ATP6V0A4: variants seen among roughly 807,000 people sequenced by gnomAD.
The protein encoded by ATP6V0A4 is V-type proton ATPase 116 kDa subunit a 4.
Under a neutral mutation model 107.3 loss-of-function variants are expected in ATP6V0A4, and 86 were observed. The ratio of observed to expected loss-of-function variants is 0.80; its 90% CI spans 0.67 to 0.96. The LOEUF (loss-of-function observed/expected upper bound fraction) is 0.96, where lower values mean the gene tolerates loss of function less well. ATP6V0A4 is among the 40% of genes least tolerant of loss of function. The pLI is 0.00. For missense variants in ATP6V0A4, 908 were observed against 1,045.6 expected, an observed-to-expected ratio of 0.87 and a Z score of 1.81; for synonymous variants, 353 against 381.4, an observed-to-expected ratio of 0.93 and a Z score of 0.87.
chr7:138,739,816 T>C (rs1805527859), intron 14 of ATP6V0A4, 183 bp from the exon 15 acceptor site: 1 of 638,944 alleles, frequency 1.6e-6, no homozygotes, highest in African/African-American at 2.0e-5. Context: ...CAATCTGAGT[T>C]TGCAAAGAGA....
At chr7:138,781,948 G>T (rs112941110) in intron 2 of ATP6V0A4, among the ~76,000 whole-genome samples, 5,404 of 151,348 alleles carry the variant, frequency 0.036, 316 homozygotes, top group African/African-American at 0.12. Flanking sequence ...AAAGTGCTGG[G>T]ATTACAGGTA....
At chr7:138,757,225 CA>C (rs1411233356) in intron 8 of ATP6V0A4, among the ~76,000 whole-genome samples, 5 of 152,224 alleles carry the variant, frequency 3.3e-5, no homozygotes, top group Admixed American at 3.3e-4. Flanking sequence ...GGTAAAATGA[CA>C]AAACCCAGAC....
rs1031637872 is a variant in ATP6V0A4, at chr7:138,706,580, C to A, written c.*44G>T. The A allele has an allele frequency of 1.9e-6, 3 of 1,609,576 alleles. No individual in the cohort carries two copies. The highest frequency in any genetic ancestry group is 2.5e-6 in the Non-Finnish European group (3 of 1,176,664). On this transcript the variant is annotated 3_prime_UTR_variant, in exon 22 of 22. Transcript: ENST00000310018. ...TGATATCAAAGACAAGACTGAACTT[C>A]CTTCATTGGCATGGTGACCACCGTG...
intron 2 of ATP6V0A4, among the ~76,000 whole-genome samples, chr7:138,782,679 G>C (rs1029062753): frequency 4.5e-4 from 69 of 152,214 alleles, no homozygotes; most frequent in African/African-American, 1.6e-3. Context: ...GGCTGAGAAA[G>C]ATCTGGAGGT....
At chr7:138,745,997 A>G (rs1212261641) in intron 13 of ATP6V0A4, among the ~76,000 whole-genome samples, 3 of 89,660 alleles carry the variant, frequency 3.3e-5, no homozygotes, top group Non-Finnish European at 6.7e-5. Flanking sequence ...TATTATAAAT[A>G]TAAATAATAT....
intron 2 of ATP6V0A4, among the ~76,000 whole-genome samples, chr7:138,776,171 G>A (rs1372788436): frequency 1.3e-5 from 2 of 152,112 alleles, no homozygotes; most frequent in Non-Finnish European, 2.9e-5. Context: ...AAATTAGAAC[G>A]ATTGTTTAGA....
At chr7:138,714,075 CAAAAAAAA>C (rs35801199) in intron 20 of ATP6V0A4, among the ~76,000 whole-genome samples, 25 of 112,304 alleles carry the variant, frequency 2.2e-4, no homozygotes, top group Admixed American at 2.2e-3. Flanking sequence ...CTACCTCTAC[CAAAAAAAA>C]AAAAAAAAAA....
At chr7:138,711,895 G>T (rs993318046) in intron 20 of ATP6V0A4, among the ~76,000 whole-genome samples, 1 of 152,222 alleles carries the variant, frequency 6.6e-6, no homozygotes, top group African/African-American at 2.4e-5. Context: ...ATGTGCATTC[G>T]TGTGAAGTGG....
chr7:138,762,605 T>C (rs1299011982), intron 6 of ATP6V0A4, 171 bp from the exon 7 acceptor site: 1 of 811,902 alleles, frequency 1.2e-6, no homozygotes, highest in Non-Finnish European at 1.5e-6. Context: ...TCCCTGGTCT[T>C]TTCCTACCAA....
chr7:138,721,997 G>A lies in ATP6V0A4; in HGVS notation c.2039C>T (p.Ala680Val). The A allele has an allele frequency of 1.9e-6, 3 of 1,614,134 alleles. No individual in the cohort carries two copies. The highest frequency in any genetic ancestry group is 2.5e-6 in the Non-Finnish European group (3 of 1,180,038). ...GCTATCACCTTCAATGTTCTCAGTG[G>A]CATCTTCTTGGATCCTGGATGCCTG... Reference protein sequence around the residue: ...QLQASRIQEDATENIEGDSSS... With the variant: ...QLQASRIQEDVTENIEGDSSS... Residue 680 changes from alanine (A) to valine (V), a missense_variant, in exon 19 of 22, where the codon GCC becomes GTC. Transcript: ENST00000310018.
intron 21 of ATP6V0A4, among the ~76,000 whole-genome samples, chr7:138,708,018 TTTATTTA>T (rs1803536362): frequency 1.7e-5 from 1 of 58,318 alleles, no homozygotes; most frequent in Non-Finnish European, 3.3e-5. Context: ...TATGTTTTAT[TTTATTTA>T]TTTATTTATT....
rs574771891 is a variant in ATP6V0A4 at position 138,715,174 on chromosome 7, A to G, written c.2257+590T>C. On this transcript the variant is annotated intron_variant, in intron 20 of 21. Transcript: ENST00000310018. ...TAGGACTCTGGCTTCAAAAACTGGA[A>G]GACACCAAATTTGTGTTGTTGGGTT... is the stretch of plus-strand genomic sequence containing the variant. Among the ~76,000 whole-genome samples the G allele has an allele frequency of 4.6e-5, 7 of 152,138 alleles. No individual in the cohort carries two copies. The South Asian group carries it at 1.4e-3, about 31-fold the overall frequency.
intron 15 of ATP6V0A4, among the ~76,000 whole-genome samples, chr7:138,735,708 G>A (rs113159841): frequency 0.03 from 4,610 of 152,226 alleles, 222 homozygotes; most frequent in African/African-American, 0.11. Context: ...CCCAGCCCTC[G>A]GCATTCCCCT....
chr7:138,765,949 A>T (rs1447580221), intron 5 of ATP6V0A4, among the ~76,000 whole-genome samples: 1 of 152,034 alleles, frequency 6.6e-6, no homozygotes, highest in Non-Finnish European at 1.5e-5. Flanking sequence ...ACAGAGTCTC[A>T]TTATGTTGGG....
chr7:138,733,016 A>T lies in ATP6V0A4; in HGVS notation c.1769T>A (p.Leu590Gln). 11 of 1,614,146 alleles carry T rather than the reference A, an allele frequency of 6.8e-6. No homozygotes were observed. The highest frequency in any genetic ancestry group is 8.5e-6 in the Non-Finnish European group (10 of 1,180,028). Residue 590 changes from leucine to glutamine, a missense_variant, in exon 17 of 22, where the codon CTG becomes CAG. Physicochemically the swap from Leu to Gln is moderately radical, Grantham distance 113. Transcript: ENST00000310018. ...CCATTTGAAAATGATCATGAAAACC[A>T]GGTATCCAAACAGACACAGGATAAA... ...MIFILCLFGY[L>Q]VFMIIFKWCC...
intron 18 of ATP6V0A4, chr7:138,722,235 A>C (rs958497899): frequency 2.3e-5 from 10 of 439,856 alleles, no homozygotes; most frequent in African/African-American, 1.7e-4. Flanking sequence ...CAGCACAGAA[A>C]GGTTAAGAAA....
At chr7:138,707,181 A>ATT (rs1432328563) in intron 21 of ATP6V0A4, among the ~76,000 whole-genome samples, 2 of 62,794 alleles carry the variant, frequency 3.2e-5, no homozygotes, top group Non-Finnish European at 5.7e-5. Context: ...TATATTATAT[A>ATT]ATATATTATA....
chr7:138,728,291 C>T (rs922639234), intron 18 of ATP6V0A4, among the ~76,000 whole-genome samples: 1 of 150,296 alleles, frequency 6.7e-6, no homozygotes, highest in Non-Finnish European at 1.5e-5. Context: ...AGTGTGATCT[C>T]GGCTCACCGC....
chr7:138,778,521 A>C (rs1807775489), intron 2 of ATP6V0A4, among the ~76,000 whole-genome samples: 1 of 152,114 alleles, frequency 6.6e-6, no homozygotes, highest in Admixed American at 6.6e-5. Context: ...GATAAGGGAC[A>C]GATAATCAAT....
Sources: allele counts gnomAD v4.1 joint callset (sites outside exome capture counted in the v4.1 genomes callset), GRCh38; gene constraint gnomAD v4.1.1; transcripts MANE v1.5; gene names NCBI Gene and HGNC (gene_info 2026-07-23, HGNC 2026-07-21).